BICD2: variants seen among roughly 807,000 people sequenced by gnomAD.
BICD2 encodes protein bicaudal D homolog 2.
A neutral mutation model predicts 72.9 loss-of-function variants in BICD2; 25 were observed. The observed-to-expected ratio is 0.34, with a 90% confidence interval of 0.25 to 0.48. The LOEUF (loss-of-function observed/expected upper bound fraction) is 0.48, where lower values mean the gene tolerates loss of function less well. Among genes scored for constraint, BICD2 ranks in the 20% least tolerant of loss-of-function variants. The pLI, the probability that BICD2 is intolerant of heterozygous loss-of-function variation, is 0.99. For missense variants in BICD2, 894 were observed against 1,175.2 expected (o/e 0.76, Z 3.50); for synonymous variants, 501 against 516.1 (o/e 0.97, Z 0.40).
intron 1 of BICD2, among the ~76,000 whole-genome samples, chr9:92,734,367 C>T (rs964275353): frequency 6.6e-6 from 1 of 152,044 alleles, no homozygotes; most frequent in South Asian, 2.1e-4. Context: ...CAAAAATTAG[C>T]CAGGTGTGGT....
chr9:92,719,730 G>A (rs1029591166), intron 4 of BICD2, 148 bp from the exon 5 acceptor site: 2 of 769,316 alleles, frequency 2.6e-6, no homozygotes, highest in Non-Finnish European at 4.1e-6. Context: ...CAGTGAGGTG[G>A]ACAAAGACAC....
chr9:92,721,319 A>G (rs1853460535), intron 3 of BICD2, among the ~76,000 whole-genome samples: 1 of 152,236 alleles, frequency 6.6e-6, no homozygotes, highest in Non-Finnish European at 1.5e-5. Flanking sequence ...CGCAAGGCAG[A>G]ACATCTCAAC....
chr9:92,738,488 T>G (rs1054726011), intron 1 of BICD2, among the ~76,000 whole-genome samples: 1 of 152,126 alleles, frequency 6.6e-6, no homozygotes, highest in Non-Finnish European at 1.5e-5. Context: ...TACAGTTTCC[T>G]CAGCTACAAA....
At position 92,714,155 on chromosome 9, in the gene BICD2, G is replaced by A; in HGVS notation, c.*999C>T. On this transcript the variant is annotated 3_prime_UTR_variant, in exon 7 of 7. Transcript: ENST00000356884. ...CCTGTGAATCCTGACAAGTGGCCCT[G>A]GCCCTATGCAAAGCTTTCCCAGCAC... 1.0e-6 allele frequency: 1 copy of A among 985,644 alleles called. No homozygotes were observed. Among genetic ancestry groups the A allele is most frequent in the Non-Finnish European group, 1.2e-6 (1 of 830,110 alleles). 61.1% of individuals were successfully genotyped at this position (985,644 alleles called of 1,614,324 possible). A position where few individuals can be genotyped will look rare whatever the true frequency, so the allele number is the denominator to read the frequency against.
intron 1 of BICD2, among the ~76,000 whole-genome samples, chr9:92,755,906 G>A (rs1343969431): frequency 1.3e-5 from 2 of 152,232 alleles, no homozygotes; most frequent in African/African-American, 2.4e-5. Context: ...CTCCAAGGGC[G>A]TCAGGAATGC....
chr9:92,750,293 CTCTT>C (rs1854120888), intron 1 of BICD2, among the ~76,000 whole-genome samples: 1 of 152,324 alleles, frequency 6.6e-6, no homozygotes, highest in Non-Finnish European at 1.5e-5. Context: ...AGCGATCAGA[CTCTT>C]CAGGTAATTA....
chr9:92,736,098 G>T (rs79781061), intron 1 of BICD2, among the ~76,000 whole-genome samples: 1,756 of 152,304 alleles, frequency 0.012, 39 homozygotes, highest in African/African-American at 0.04. Context: ...CAGGAAGACA[G>T]GCATTCTTAG....
At chr9:92,747,757 C>T (rs968343686) in intron 1 of BICD2, among the ~76,000 whole-genome samples, 20 of 152,168 alleles carry the variant, frequency 1.3e-4, no homozygotes, top group Non-Finnish European at 2.1e-4. Flanking sequence ...GGCAGATGGA[C>T]GCCCACGTCC....
At chr9:92,743,760 G>T (rs1233196814) in intron 1 of BICD2, among the ~76,000 whole-genome samples, 1 of 152,074 alleles carries the variant, frequency 6.6e-6, no homozygotes, top group East Asian at 1.9e-4. Context: ...ATGGCAAAGG[G>T]CTCCATATCC....
Position 92,720,472 on chromosome 9 carries a change from T to TCGGCATCGTTGTTGGGCTCGG in BICD2, c.869_889dup (p.Ala290_Ala296dup), listed in dbSNP as rs1853439660. ...GTGCTCAAAGCCATTGACCAGGGCC[T>TCGGCATCGTTGTTGGGCTCGG]CGGCATCGTTGTTGGGCTCGGCAGC... On this transcript the variant is annotated inframe_insertion, in exon 4 of 7. Transcript: ENST00000356884. The surrounding 1 kb of genome is among the most constrained non-coding windows in gnomAD (Gnocchi z 5.4). 2 of 1,614,160 alleles carry TCGGCATCGTTGTTGGGCTCGG rather than the reference T, an allele frequency of 1.2e-6. No homozygotes were observed. The highest frequency in any genetic ancestry group is 1.7e-6 in the Non-Finnish European group (2 of 1,180,018).
At chr9:92,759,135 C>A (rs1313148922) in intron 1 of BICD2, among the ~76,000 whole-genome samples, 1 of 152,188 alleles carries the variant, frequency 6.6e-6, no homozygotes, top group Non-Finnish European at 1.5e-5. Flanking sequence ...CAGAAACCTT[C>A]CTGTCTTTAT....
intron 1 of BICD2, among the ~76,000 whole-genome samples, chr9:92,737,180 G>C (rs776131914): frequency 6.6e-6 from 1 of 152,130 alleles, no homozygotes; most frequent in Non-Finnish European, 1.5e-5. Flanking sequence ...AATGTGCCTC[G>C]ATTTCCTCAT....
At chr9:92,736,612 C>T (rs1853792751) in intron 1 of BICD2, among the ~76,000 whole-genome samples, 1 of 152,196 alleles carries the variant, frequency 6.6e-6, no homozygotes, top group African/African-American at 2.4e-5. Flanking sequence ...TTCTTTATTC[C>T]TTTACTTTCT....
intron 6 of BICD2, among the ~76,000 whole-genome samples, chr9:92,716,272 C>T (rs1297954682): frequency 6.6e-6 from 1 of 152,186 alleles, no homozygotes; most frequent in East Asian, 1.9e-4. Flanking sequence ...TGAGGGCACA[C>T]AGAGCTGTGA....
chr9:92,760,076 G>T (rs956048217), intron 1 of BICD2, among the ~76,000 whole-genome samples: 2 of 152,296 alleles, frequency 1.3e-5, no homozygotes, highest in African/African-American at 4.8e-5. Flanking sequence ...GACAGGCAGC[G>T]GCTCATCCAG....
chr9:92,718,117 C>A (rs910809310), intron 5 of BICD2, among the ~76,000 whole-genome samples, 169 bp from the exon 6 acceptor site: 2 of 152,204 alleles, frequency 1.3e-5, no homozygotes, highest in African/African-American at 2.4e-5. Context: ...CCAGCAGCTA[C>A]GCCATGGGGA....
At chr9:92,745,584 G>C (rs891348787) in intron 1 of BICD2, among the ~76,000 whole-genome samples, 6 of 152,180 alleles carry the variant, frequency 3.9e-5, no homozygotes, top group Non-Finnish European at 7.3e-5. Context: ...GAGGAAGACA[G>C]AGGACAACAC....
At chr9:92,748,464 A>C (rs1359878431) in intron 1 of BICD2, among the ~76,000 whole-genome samples, 1 of 152,062 alleles carries the variant, frequency 6.6e-6, no homozygotes, top group Non-Finnish European at 1.5e-5. Context: ...GAATTTTTGA[A>C]AGTCCCCCAG....
chr9:92,720,411 G>A lies in BICD2; in HGVS notation c.951C>T (p.Thr317=). ...CGAGGCCCTCCTTCTTGGGCGTGGA[G>A]GTCTTGTTGTCCAGTGGCAGCTTGG... ...GLAKLPLDNK[T]STPKKEGLAP... Residue 317 remains threonine (T), a synonymous_variant, in exon 4 of 7, where the codon ACC becomes ACT. Coordinates refer to ENST00000356884, the MANE Select transcript of BICD2 (RefSeq NM_001003800.2). This position sits in a 1 kb window ranked among gnomAD's most constrained non-coding sequence, Gnocchi z 5.4. 6.2e-7 allele frequency: 1 copy of A among 1,614,194 alleles called. No individual in the cohort carries two copies. Among genetic ancestry groups the A allele is most frequent in the South Asian group, 1.1e-5 (1 of 91,086 alleles).
Sources: gnomAD v4.1 joint callset for allele counts (sites outside exome capture counted in the v4.1 genomes callset) on GRCh38, gnomAD v4.1.1 for gene constraint, Gnocchi (gnomAD v3.1) non-coding constraint, MANE v1.5 for transcripts, NCBI Gene and HGNC (gene_info 2026-07-23, HGNC 2026-07-21) for gene names.